Variants in PHTF2 observed in about 807,000 individuals in gnomAD.
PHTF2 encodes the protein protein PHTF2.
In PHTF2, 60 loss-of-function variants were observed where a neutral mutation model predicts 101.2. The ratio of observed to expected loss-of-function variants is 0.59; its 90% confidence interval spans 0.48 to 0.73. The LOEUF (loss-of-function observed/expected upper bound fraction) is 0.73, where lower values mean the gene tolerates loss of function less well. Among genes scored for constraint, PHTF2 ranks in the 30% least tolerant of loss-of-function variants. PHTF2 has a pLI of 0.00. For synonymous variants in PHTF2, 311 were observed against 307.3 expected (o/e 1.01, Z -0.13); for missense variants, 747 against 908.7 (o/e 0.82, Z 2.29).
intron 13 of PHTF2, 78 bp downstream of exon 12, chr7:77,937,916 T>C: frequency 1.5e-6 from 1 of 647,540 alleles, no homozygotes; most frequent in Non-Finnish European, 2.3e-6. Context: ...TGGAATATTA[T>C]ATTAGTAACC....
intron 1 of PHTF2, among the ~76,000 whole-genome samples, 155 bp downstream of exon 1, chr7:77,799,126 A>T (rs1395491819): frequency 6.6e-6 from 1 of 151,866 alleles, no homozygotes; most frequent in Non-Finnish European, 1.5e-5. Context: ...GTCGCCGGCG[A>T]CTTTCCCGGC....
Position 77,861,918 on chromosome 7 carries a change from G to A in PHTF2, c.147+7084G>A, listed in dbSNP as rs572263723. ...ACTAAAAATACAAAATTAGCTGGGT[G>A]TGGTAGCGCATGCCTGTAATCCCAG... On this transcript the variant is annotated intron_variant, in intron 3 of 19. Transcript: ENST00000416283. Among the ~76,000 whole-genome samples the A allele has an allele frequency of 7.2e-5, 11 of 152,254 alleles. No individual in the cohort carries two copies. The South Asian group carries it at 2.1e-3, about 29-fold the overall frequency.
chr7:77,854,025 A>G (rs1796972952), intron 2 of PHTF2, among the ~76,000 whole-genome samples: 1 of 152,080 alleles, frequency 6.6e-6, no homozygotes, highest in Non-Finnish European at 1.5e-5. Context: ...TGGACATTGA[A>G]GAGTTAGGTA....
chr7:77,857,653 G>A (rs1043452413), intron 3 of PHTF2, among the ~76,000 whole-genome samples: 4 of 152,142 alleles, frequency 2.6e-5, no homozygotes, highest in African/African-American at 9.7e-5. Context: ...CCATCTGATG[G>A]TAACCACCAT....
chr7:77,813,949 A>T (rs543739025), intron 1 of PHTF2, among the ~76,000 whole-genome samples: 1 of 152,246 alleles, frequency 6.6e-6, no homozygotes, highest in Non-Finnish European at 1.5e-5. Context: ...AAATCGTAAG[A>T]TTTGGTGTCC....
At chr7:77,895,148 G>A (rs1285796238) in intron 5 of PHTF2, 1 of 455,880 alleles carries the variant, frequency 2.2e-6, no homozygotes, top group Non-Finnish European at 4.4e-6. Context: ...TGGTACTTGG[G>A]AGGGACATTT....
At chr7:77,834,191 A>T (rs891788738) in intron 1 of PHTF2, among the ~76,000 whole-genome samples, 4 of 151,798 alleles carry the variant, frequency 2.6e-5, no homozygotes, top group African/African-American at 9.7e-5. Context: ...GTACATGCCT[A>T]TAGTCACAGC....
chr7:77,894,806 A>C (rs1800744472), intron 5 of PHTF2, among the ~76,000 whole-genome samples: 1 of 152,206 alleles, frequency 6.6e-6, no homozygotes, highest in Admixed American at 6.5e-5. Flanking sequence ...CATTTCAGAC[A>C]GATGAAGAGC....
At chr7:77,928,107 G>A (rs17159515) in intron 11 of PHTF2, among the ~76,000 whole-genome samples, 2,703 of 152,032 alleles carry the variant, frequency 0.018, 81 homozygotes, top group African/African-American at 0.061. Context: ...GTCTGAAGTC[G>A]GTGATAGCAA....
rs1802134667 is a variant in PHTF2, at chr7:77,909,165, GTTTC to G, written c.611+211_611+214del. ...TTTAAGACCACATGCCTGTGTTTTT[GTTTC>G]TTTTTTTTTTTTTTCCTTGAAGCTC... On this transcript the variant is annotated intron_variant, in intron 8 of 19. Coordinates refer to ENST00000416283, the Ensembl canonical transcript of PHTF2. The G allele has an allele frequency of 1.1e-5, 4 of 353,242 alleles. No individual in the cohort carries two copies. In the East Asian group the frequency reaches 1.9e-4, roughly 16 times the overall value. 21.9% of individuals were successfully genotyped at this position (353,242 alleles called of 1,614,324 possible).
rs1160833611 is a variant in PHTF2 at position 77,923,722 on chromosome 7, G to A, written c.1119+944G>A. 6.1e-6 allele frequency: 6 copies of A among 985,128 alleles called. No homozygotes were observed. In the Admixed American group the frequency reaches 3.7e-4, roughly 61 times the overall value. 61.0% of individuals were successfully genotyped at this position (985,128 alleles called of 1,614,324 possible). A position where few individuals can be genotyped will look rare whatever the true frequency, so the allele number is the denominator to read the frequency against. On this transcript the variant is annotated intron_variant, in intron 11 of 19. Transcript: ENST00000416283. ...CAAGCTTGTAAAATTTTGTCTTACTGTATGTACTGTTAGAAGTCAGTTGGT... is the reference window on the plus strand; with the variant it reads ...CAAGCTTGTAAAATTTTGTCTTACTATATGTACTGTTAGAAGTCAGTTGGT...
At chr7:77,802,699 T>C (rs1365284300) in intron 1 of PHTF2, among the ~76,000 whole-genome samples, 4 of 152,188 alleles carry the variant, frequency 2.6e-5, no homozygotes, top group Admixed American at 2.0e-4. Flanking sequence ...TGTGTCCAGC[T>C]AATGTTTTAA....
At chr7:77,904,399 T>A (rs939240092) in intron 7 of PHTF2, among the ~76,000 whole-genome samples, 1 of 152,264 alleles carries the variant, frequency 6.6e-6, no homozygotes, top group African/African-American at 2.4e-5. Flanking sequence ...TAGTTACATA[T>A]CTTTCTTATG....
intron 5 of PHTF2, chr7:77,896,097 A>G (rs553642020): frequency 1.0e-3 from 155 of 152,268 alleles, no homozygotes; most frequent in African/African-American, 3.5e-3. Context: ...AGTGGTAATG[A>G]TTGCACAATA....
intron 16 of PHTF2, among the ~76,000 whole-genome samples, chr7:77,949,429 C>T (rs1806344690): frequency 6.6e-6 from 1 of 151,946 alleles, no homozygotes; most frequent in Non-Finnish European, 1.5e-5. Context: ...TCAACTGAAT[C>T]TGTAATATTA....
intron 1 of PHTF2, among the ~76,000 whole-genome samples, chr7:77,832,991 G>A (rs998357302): frequency 8.6e-5 from 13 of 151,790 alleles, no homozygotes; most frequent in Non-Finnish European, 1.8e-4. Context: ...AATAAAATAG[G>A]ACAATCGTAA....
chr7:77,893,926 C>T (rs1800663361), intron 4 of PHTF2, 56 bp from the exon 4 acceptor site: 1 of 1,277,518 alleles, frequency 7.8e-7, no homozygotes, highest in Admixed American at 1.7e-5. Context: ...TCACTTGTCA[C>T]CTTATACTTC....
chr7:77,854,267 A>G (rs2150638579), intron 2 of PHTF2, among the ~76,000 whole-genome samples: 1 of 152,126 alleles, frequency 6.6e-6, no homozygotes, highest in East Asian at 1.9e-4. Flanking sequence ...TGTCAGGGAG[A>G]GTCTCTTCCT....
intron 2 of PHTF2, among the ~76,000 whole-genome samples, chr7:77,843,311 AT>A (rs1275134030): frequency 6.6e-6 from 1 of 152,108 alleles, no homozygotes; most frequent in African/African-American, 2.4e-5. Context: ...GGTTTTACGA[AT>A]TCTTTTTCTA....
Sources: gnomAD v4.1 joint callset for allele counts (sites outside exome capture counted in the v4.1 genomes callset) on GRCh38, gnomAD v4.1.1 for gene constraint, MANE v1.5 for transcripts, NCBI Gene and HGNC (gene_info 2026-07-23, HGNC 2026-07-21) for gene names.